The following KLK13 variants were observed in gnomAD, a reference collection of about 807,000 sequenced individuals.
The protein encoded by KLK13 is kallikrein-13.
A neutral mutation model predicts 22.4 loss-of-function variants in KLK13; 19 were observed. The ratio of observed to expected loss-of-function variants is 0.85; its 90% CI spans 0.59 to 1.24. The LOEUF is 1.24. Among genes scored for constraint, KLK13 ranks in the 50% most tolerant of loss-of-function variants. The pLI, the probability that KLK13 is intolerant of heterozygous loss-of-function variation, is 0.00. For missense variants in KLK13, 311 were observed against 347.9 expected, an observed-to-expected ratio of 0.89 and a Z score of 0.84; for synonymous variants, 156 against 141.8, an observed-to-expected ratio of 1.10 and a Z score of -0.71.
intron 3 of KLK13, among the ~76,000 whole-genome samples, chr19:51,058,959 C>T (rs1049695165): frequency 2.2e-4 from 34 of 151,424 alleles, no homozygotes; most frequent in Non-Finnish European, 3.8e-4. Flanking sequence ...GTGGAGCCAG[C>T]GGTGGGGAGA....
At chr19:51,058,057 G>A (rs2091691825) in intron 4 of KLK13, among the ~76,000 whole-genome samples, 1 of 152,204 alleles carries the variant, frequency 6.6e-6, no homozygotes, top group Non-Finnish European at 1.5e-5. Context: ...AGGGTAGGAT[G>A]TAAGCTCAAA....
chr19:51,058,821 G>A (rs1210029321), intron 3 of KLK13, 147 bp from the exon 4 acceptor site: 2 of 782,322 alleles, frequency 2.6e-6, no homozygotes, highest in Non-Finnish European at 4.2e-6. Flanking sequence ...ACCTATCTGG[G>A]TAAAGCAACG....
intron 4 of KLK13, among the ~76,000 whole-genome samples, 188 bp downstream of exon 4, chr19:51,058,350 G>A (rs1182409298): frequency 6.6e-6 from 1 of 152,196 alleles, no homozygotes; most frequent in African/African-American, 2.4e-5. Flanking sequence ...CAAAGCTGGG[G>A]CTTATGATGA....
At chr19:51,060,329 T>C in intron 2 of KLK13, 104 bp downstream of exon 2, 1 of 1,266,252 alleles carries the variant, frequency 7.9e-7, no homozygotes, top group South Asian at 1.5e-5. Context: ...CCCATGTCCA[T>C]CCCCAACCCT....
Position 51,056,673 on chromosome 19 carries a change from G to C in KLK13, c.748C>G (p.Arg250Gly). The stretch of plus-strand genomic sequence containing the variant: ...ATCCACAGGACGTATCTTGAGACAC[G>C]GGTGTAGACACCAGGCCGGTCAGGT... ...GQPDRPGVYT[R>G]VSRYVLWIRE... Residue 250 changes from arginine (R) to glycine (G), a missense_variant, in exon 5 of 5, where the codon CGT becomes GGT. Physicochemically the swap from Arg to Gly is moderately radical, Grantham distance 125. Transcript: ENST00000595793. 6.2e-7 allele frequency: 1 copy of C among 1,614,136 alleles called. No individual in the cohort carries two copies. The highest frequency in any genetic ancestry group is 8.5e-7 in the Non-Finnish European group (1 of 1,180,024).
chr19:51,059,766 C>T (rs773444097), intron 3 of KLK13, 59 bp downstream of exon 3: 2 of 1,415,954 alleles, frequency 1.4e-6, no homozygotes, highest in African/African-American at 3.0e-5. Context: ...CCTCCCATCT[C>T]TGCCCCTGTT....
At chr19:51,064,927 G>A in intron 1 of KLK13, 89 bp downstream of exon 1, 3 of 1,110,564 alleles carry the variant, frequency 2.7e-6, no homozygotes, top group Non-Finnish European at 3.8e-6. Flanking sequence ...GGCGGAGCTC[G>A]CGGCTCCCAC....
Position 51,065,084 on chromosome 19 carries a change from G to C in KLK13, c.-17C>G, listed in dbSNP as rs781752493. The C allele has an allele frequency of 2.7e-6, 4 of 1,509,120 alleles. No individual in the cohort carries two copies. The highest frequency in any genetic ancestry group is 2.5e-5 in the East Asian group (1 of 40,324). The allele number at this position is 1,509,120 out of a possible 1,614,324, so 93.5% of individuals were successfully genotyped here. On this transcript the variant is annotated 5_prime_UTR_variant, in exon 1 of 5. Transcript: ENST00000595793. Reference sequence around the variant, plus strand: ...GGGCCACATGGCTCCGGGATCGGGAGGGGAGGGCAGGGCGGGCGGGGCCTG... The same window carrying C: ...GGGCCACATGGCTCCGGGATCGGGACGGGAGGGCAGGGCGGGCGGGGCCTG...
At chr19:51,063,721 G>A (rs1292085308) in intron 1 of KLK13, 1 of 456,780 alleles carries the variant, frequency 2.2e-6, no homozygotes, top group Non-Finnish European at 4.4e-6. Flanking sequence ...TTCAGGCCAA[G>A]GATGGTGCCA....
intron 1 of KLK13, chr19:51,064,487 CAAAAA>C (rs35554667): frequency 4.4e-3 from 693 of 158,046 alleles, no homozygotes; most frequent in East Asian, 7.3e-3. Context: ...GGTTCCATCT[CAAAAA>C]AAAAAAAAAA....
rs1356762282 is a variant in KLK13 at position 51,059,925 on chromosome 19, G to A, written c.408C>T (p.Leu136=). Residue 136 remains leucine (L), a synonymous_variant, in exon 3 of 5, where the codon CTC becomes CTT. Coordinates refer to ENST00000595793, the MANE Select transcript of KLK13 (RefSeq NM_015596.3). ...MLLELQSPVQ[L]TGYIQTLPLS... ...GGGGCAGGGTTTGGATGTAGCCTGT[G>A]AGCTGGACCGGGGACTGCAGCTCCA... 1.2e-6 allele frequency: 2 copies of A among 1,611,130 alleles called. No homozygotes were observed. Among genetic ancestry groups the A allele is most frequent in the Admixed American group, 1.7e-5 (1 of 59,752 alleles).
Position 51,060,101 on chromosome 19 carries a change from TG to T in KLK13, c.240-9del. 2 of 1,612,606 alleles carry T rather than the reference TG, an allele frequency of 1.2e-6. No homozygotes were observed. Among genetic ancestry groups the T allele is most frequent in the South Asian group, 2.2e-5 (2 of 91,050 alleles). ...AGGTAAACTTTGAGCCCCCTGTGGG[TG>T]CAGAAAGAAGGTGGTTAGGAAAGAA... On this transcript the variant is annotated splice_polypyrimidine_tract_variant and intron_variant, in intron 2 of 4. Coordinates refer to ENST00000595793, the MANE Select transcript of KLK13 (RefSeq NM_015596.3).
chr19:51,058,701 G>A (rs778305491), intron 3 of KLK13, 27 bp from the exon 4 acceptor site: 150 of 1,613,396 alleles, frequency 9.3e-5, no homozygotes, highest in Non-Finnish European at 1.2e-4. Context: ...GAAGGTCTAA[G>A]GTATCCGACC....
chr19:51,060,479 G>A lies in KLK13; in HGVS notation c.193C>T (p.Leu65=), dbSNP rs540219520. The A allele has an allele frequency of 4.3e-6, 7 of 1,613,772 alleles. No individual in the cohort carries two copies. In the Admixed American group the frequency reaches 8.3e-5, roughly 19 times the overall value. Residue 65 remains leucine (L), a synonymous_variant, in exon 2 of 5, where the codon CTG becomes TTG. Coordinates refer to ENST00000595793, the MANE Select transcript of KLK13 (RefSeq NM_015596.3). Reference sequence around the variant, plus strand: ...GTGAGGACCCATTTGGGGTGGACCAGGACTCCCCCACAGAGTAGCCGCCCT... The same window carrying A: ...GTGAGGACCCATTTGGGGTGGACCAAGACTCCCCCACAGAGTAGCCGCCCT... ...VQGRLLCGGV[L]VHPKWVLTAA...
rs1045577334 is a variant in KLK13, at chr19:51,056,405, A to T, written c.*182T>A. The T allele has an allele frequency of 6.1e-6, 4 of 651,458 alleles. No individual in the cohort carries two copies. Among genetic ancestry groups the T allele is most frequent in the African/African-American group, 5.4e-5 (3 of 55,260 alleles). The allele number at this position is 651,458 out of a possible 1,614,324, so 40.4% of individuals were successfully genotyped here. A position where few individuals can be genotyped will look rare whatever the true frequency, so the allele number is the denominator to read the frequency against. On this transcript the variant is annotated 3_prime_UTR_variant, in exon 5 of 5. Transcript: ENST00000595793. Reference sequence around the variant, plus strand: ...GTTTCAGGGATGCAACATCTGGGAGACTGCAAGCCTGGCAGTGCCTGAATG... The same window carrying T: ...GTTTCAGGGATGCAACATCTGGGAGTCTGCAAGCCTGGCAGTGCCTGAATG...
rs1167061482 is a variant in KLK13 at position 51,055,966 on chromosome 19, TA to T, written c.*620del. 6.6e-6 allele frequency among the ~76,000 whole-genome samples: 1 copy of T among 152,128 alleles called. No individual in the cohort carries two copies. The highest frequency in any genetic ancestry group is 6.6e-5 in the Admixed American group (1 of 15,264). On this transcript the variant is annotated 3_prime_UTR_variant, in exon 5 of 5. Coordinates refer to ENST00000595793, the MANE Select transcript of KLK13 (RefSeq NM_015596.3). The stretch of plus-strand genomic sequence containing the variant: ...TGGGGTATTGGAAGAATGTGGGATG[TA>T]GGTTGGGTTGGGACTTCTGAGACAC...
chr19:51,060,388 G>T (rs190903957), intron 2 of KLK13, 45 bp downstream of exon 2: 145 of 1,523,774 alleles, frequency 9.5e-5, no homozygotes, highest in Non-Finnish European at 5.3e-6. Context: ...CACAATCCCA[G>T]TCCCATTCTC....
intron 4 of KLK13, 74 bp from the exon 5 acceptor site, chr19:51,056,849 G>T: frequency 4.3e-6 from 5 of 1,154,332 alleles, no homozygotes; most frequent in Non-Finnish European, 6.3e-6. Context: ...AGGGAGGTGT[G>T]GGGAGAGAGT....
chr19:51,059,774 G>A, intron 3 of KLK13, 51 bp downstream of exon 3: 4 of 1,439,562 alleles, frequency 2.8e-6, no homozygotes, highest in Non-Finnish European at 3.7e-6. Context: ...CTCTGCCCCT[G>A]TTTCCCCAGC....
Sources: allele counts gnomAD v4.1 joint callset (sites outside exome capture counted in the v4.1 genomes callset), GRCh38; gene constraint gnomAD v4.1.1; transcripts MANE v1.5; gene names NCBI Gene and HGNC (gene_info 2026-07-23, HGNC 2026-07-21).